Variants in STPG2 observed in about 807,000 individuals in gnomAD.
The protein encoded by STPG2 is sperm tail PG-rich repeat containing 2.
STPG2 carries 56 observed loss-of-function variants against 54.2 expected under a neutral mutation model. That is an observed-to-expected ratio of 1.03 (90% confidence interval 0.83 to 1.29). The LOEUF is 1.29. STPG2 is among the 50% of genes most tolerant of loss of function. STPG2 has a pLI of 0.00. For missense variants in STPG2, 596 were observed against 544.9 expected (o/e 1.09, Z -0.93); for synonymous variants, 200 against 181.8 (o/e 1.10, Z -0.81).
At chr4:98,034,699 T>A (rs577410396) in intron 5 of STPG2, among the ~76,000 whole-genome samples, 1 of 152,168 alleles carries the variant, frequency 6.6e-6, no homozygotes, top group African/African-American at 2.4e-5. Flanking sequence ...CTTTAAACTA[T>A]ACTACAAGCC....
chr4:97,543,111 C>A (rs1382556999), intron 4 of STPG2, among the ~76,000 whole-genome samples: 1 of 151,342 alleles, frequency 6.6e-6, no homozygotes, highest in Non-Finnish European at 1.5e-5. Context: ...TACCCTAGAA[C>A]TTAAGGTGTA....
chr4:97,641,073 G>T (rs1721752573), intron 10 of STPG2, among the ~76,000 whole-genome samples: 1 of 151,560 alleles, frequency 6.6e-6, no homozygotes, highest in Admixed American at 6.6e-5. Context: ...AAAATTGGGG[G>T]AAAGGCAAAG....
intron 8 of STPG2, among the ~76,000 whole-genome samples, chr4:97,920,852 C>A (rs947079742): frequency 6.6e-6 from 1 of 152,004 alleles, no homozygotes; most frequent in African/African-American, 2.4e-5. Context: ...TCCTCTTATC[C>A]CTCCTTTTTT....
intron 10 of STPG2, among the ~76,000 whole-genome samples, chr4:97,618,136 G>A (rs1203940507): frequency 1.3e-5 from 2 of 152,106 alleles, no homozygotes; most frequent in Non-Finnish European, 2.9e-5. Context: ...TTCTTGGCCT[G>A]TCTTACTGAT....
At chr4:97,638,423 C>T (rs984101874) in intron 10 of STPG2, among the ~76,000 whole-genome samples, 2 of 152,138 alleles carry the variant, frequency 1.3e-5, no homozygotes, top group Non-Finnish European at 2.9e-5. Flanking sequence ...CCATTCAGGA[C>T]ATAGGCATGG....
intron 10 of STPG2, among the ~76,000 whole-genome samples, chr4:97,698,343 G>A (rs561260600): frequency 1.4e-4 from 22 of 152,206 alleles, no homozygotes; most frequent in African/African-American, 4.6e-4. Flanking sequence ...CCTTACCACC[G>A]TTGTGGAGTA....
intron 10 of STPG2, among the ~76,000 whole-genome samples, chr4:97,708,348 A>G (rs72877580): frequency 0.11 from 16,659 of 152,070 alleles, 2,641 homozygotes; most frequent in African/African-American, 0.35. Flanking sequence ...CACACTAAAA[A>G]TAATTTCTAA....
At chr4:98,023,004 T>A (rs1736276955) in intron 5 of STPG2, among the ~76,000 whole-genome samples, 1 of 152,218 alleles carries the variant, frequency 6.6e-6, no homozygotes, top group Admixed American at 6.5e-5. Context: ...TCTGAAGCCT[T>A]CTTCTCTCAA....
intron 5 of STPG2, among the ~76,000 whole-genome samples, chr4:97,986,093 C>T (rs142637504): frequency 1.9e-3 from 297 of 152,310 alleles, no homozygotes; most frequent in African/African-American, 7.0e-3. Context: ...TCCCTTATAA[C>T]ATCATCTAGC....
At chr4:97,799,678 A>G (rs1241700871) in intron 9 of STPG2, among the ~76,000 whole-genome samples, 2 of 152,172 alleles carry the variant, frequency 1.3e-5, no homozygotes, top group East Asian at 1.9e-4. Flanking sequence ...TGCTCTTCTC[A>G]AGGAGTATCT....
intron 8 of STPG2, among the ~76,000 whole-genome samples, chr4:97,902,793 G>A (rs534664299): frequency 6.6e-6 from 1 of 152,162 alleles, no homozygotes; most frequent in South Asian, 2.1e-4. Context: ...TTCACTTTTG[G>A]CTATACATCC....
At chr4:97,662,413 A>G (rs1210191521) in intron 10 of STPG2, among the ~76,000 whole-genome samples, 2 of 152,064 alleles carry the variant, frequency 1.3e-5, no homozygotes, top group Admixed American at 6.5e-5. Context: ...GAATGCTTAT[A>G]TAATGTGGGT....
intron 5 of STPG2, among the ~76,000 whole-genome samples, chr4:98,006,810 TG>T (rs1414518291): frequency 6.6e-6 from 1 of 152,190 alleles, no homozygotes; most frequent in African/African-American, 2.4e-5. Flanking sequence ...TGGTCAGGAC[TG>T]GGAACTGAGC....
chr4:97,570,315 T>A (rs1231926717), intron 10 of STPG2, among the ~76,000 whole-genome samples: 1 of 152,170 alleles, frequency 6.6e-6, no homozygotes, highest in Non-Finnish European at 1.5e-5. Context: ...ATATTGTTAT[T>A]CTTTGGAAAT....
At chr4:97,731,121 G>GA (rs1383781352) in intron 9 of STPG2, among the ~76,000 whole-genome samples, 1 of 152,192 alleles carries the variant, frequency 6.6e-6, no homozygotes, top group Non-Finnish European at 1.5e-5. Context: ...TCTCATCTGA[G>GA]AGGGCTAGTG....
chr4:97,841,130 T>G (rs1728790095), intron 8 of STPG2, among the ~76,000 whole-genome samples, 198 bp from the exon 9 acceptor site: 2 of 151,772 alleles, frequency 1.3e-5, no homozygotes, highest in Admixed American at 6.6e-5. Flanking sequence ...CTTGCCAAAA[T>G]TAAAGTAAAA....
chr4:97,683,531 T>A (rs904801366), intron 10 of STPG2, among the ~76,000 whole-genome samples: 9 of 151,890 alleles, frequency 5.9e-5, no homozygotes, highest in African/African-American at 2.2e-4. Flanking sequence ...CATATGATCA[T>A]CTCAATATAT....
intron 10 of STPG2, among the ~76,000 whole-genome samples, chr4:97,596,610 T>G (rs1733300408): frequency 6.6e-6 from 1 of 152,124 alleles, no homozygotes; most frequent in Admixed American, 6.6e-5. Context: ...AGTAAGAAGA[T>G]TGCTCAAAAC....
At position 97,503,916 on chromosome 4, in the gene STPG2, A is replaced by T. The variant is rs1216025563; in HGVS notation, c.462+208783T>A. Among the ~76,000 whole-genome samples the T allele has an allele frequency of 4.9e-5, 4 of 81,818 alleles. No individual in the cohort carries two copies. In the East Asian group the frequency reaches 1.5e-3, roughly 30 times the overall value. The allele number at this position is 81,818 out of a possible 152,430, so 53.7% of individuals were successfully genotyped here. ...TTTCATATTCATATAAATATATTTT[A>T]AAAATATATTTAAATATTTTAAAAA... On this transcript the variant is annotated intron_variant, in intron 4 of 4. Coordinates refer to the STPG2 transcript ENST00000522676.
Sources: gnomAD v4.1 joint callset for allele counts (sites outside exome capture counted in the v4.1 genomes callset) on GRCh38, gnomAD v4.1.1 for gene constraint, MANE v1.5 for transcripts, NCBI Gene and HGNC (gene_info 2026-07-23, HGNC 2026-07-21) for gene names.